ASIP: variants seen among roughly 807,000 people sequenced by gnomAD.
The protein encoded by ASIP is agouti signaling protein.
A neutral mutation model predicts 10.3 loss-of-function variants in ASIP; 11 were observed. That is an observed-to-expected ratio of 1.07 (90% CI 0.68 to 1.78). The LOEUF is 1.78. ASIP is among the 40% of genes most tolerant of loss of function. The probability of loss-of-function intolerance (pLI) is 0.00; values close to 1 mark genes in which losing one functional copy is unlikely to be tolerated. For missense variants in ASIP, 180 were observed against 169.2 expected (o/e 1.06, Z -0.35); for synonymous variants, 70 against 70.8 (o/e 0.99, Z 0.06).
At chr20:34,263,793 C>T (rs1379371102) in intron 3 of ASIP, among the ~76,000 whole-genome samples, 1 of 151,794 alleles carries the variant, frequency 6.6e-6, no homozygotes, top group East Asian at 2.0e-4. Flanking sequence ...CTCAGCCTCC[C>T]GAGTAGCTGG....
chr20:34,196,214 G>C (rs969179466), intron 1 of ASIP, among the ~76,000 whole-genome samples: 16 of 124,942 alleles, frequency 1.3e-4, no homozygotes, highest in South Asian at 2.4e-4. Flanking sequence ...GAATCCCGCT[G>C]TGTCGCCCAG....
At chr20:34,262,584 C>G (rs1286153886) in intron 2 of ASIP, among the ~76,000 whole-genome samples, 1 of 152,144 alleles carries the variant, frequency 6.6e-6, no homozygotes, top group African/African-American at 2.4e-5. Flanking sequence ...CAGGCAGATC[C>G]CAGTGCCTGC....
intron 1 of ASIP, among the ~76,000 whole-genome samples, chr20:34,212,377 CATT>C (rs1343566389): frequency 6.6e-6 from 1 of 152,292 alleles, no homozygotes; most frequent in East Asian, 1.9e-4. Context: ...TGCACACACA[CATT>C]TTTTACACAT....
chr20:34,267,843 TAA>T (rs3216535), intron 3 of ASIP, among the ~76,000 whole-genome samples: 6 of 147,712 alleles, frequency 4.1e-5, no homozygotes, highest in African/African-American at 1.5e-4. Flanking sequence ...TAACCATATT[TAA>T]AAAAAAAAAA....
chr20:34,198,330 T>C (rs1055727520), intron 1 of ASIP, among the ~76,000 whole-genome samples: 4 of 152,034 alleles, frequency 2.6e-5, no homozygotes, highest in African/African-American at 9.7e-5. Context: ...CCTCAGGTGA[T>C]CTGCCGACAT....
intron 1 of ASIP, chr20:34,215,941 G>A: frequency 1.3e-6 from 1 of 784,610 alleles, no homozygotes; most frequent in Non-Finnish European, 2.3e-6. Flanking sequence ...CTTGCCCTCT[G>A]ATCCCACAGA....
upstream of ASIP, among the ~76,000 whole-genome samples, chr20:34,238,396 T>G (rs2035238998): frequency 6.6e-6 from 1 of 152,156 alleles, no homozygotes; most frequent in Non-Finnish European, 1.5e-5. Flanking sequence ...TATCTTCAAG[T>G]TCATTGAGTC....
chr20:34,251,339 C>T (rs919514485), intron 1 of ASIP, among the ~76,000 whole-genome samples: 6 of 151,310 alleles, frequency 4.0e-5, no homozygotes, highest in South Asian at 2.1e-4. Context: ...GGCGTGATGT[C>T]GGCTCACTGC....
At chr20:34,213,575 T>A in intron 1 of ASIP, 1 of 1,549,560 alleles carries the variant, frequency 6.5e-7, no homozygotes. Context: ...GGCATGAACA[T>A]CTGTTGTAAA....
rs1360657349 is a variant in ASIP, at chr20:34,261,068, G to A, written c.160+534G>A. On this transcript the variant is annotated intron_variant, in intron 2 of 3. Transcript: ENST00000374954. ...ATATTTCACAGTTGAGGAACTTGAG[G>A]CTTAGGAGAATTAAGTAACTAGCAC... is the stretch of plus-strand genomic sequence containing the variant. Among the ~76,000 whole-genome samples the A allele has an allele frequency of 2.6e-5, 4 of 152,208 alleles. 1 individual carries two copies. The East Asian group carries it at 7.7e-4, about 29-fold the overall frequency.
intron 1 of ASIP, among the ~76,000 whole-genome samples, chr20:34,210,416 C>T (rs1601572853): frequency 6.6e-6 from 1 of 152,230 alleles, no homozygotes; most frequent in Admixed American, 6.5e-5. Flanking sequence ...CAGTTGCAGC[C>T]TCACAGAGAG....
chr20:34,199,142 C>A (rs73092584), intron 1 of ASIP, among the ~76,000 whole-genome samples: 3 of 148,716 alleles, frequency 2.0e-5, no homozygotes, highest in Non-Finnish European at 4.4e-5. Context: ...ATGAATACCA[C>A]AATTTGTTTA....
At chr20:34,214,688 C>G (rs1211758893) in intron 1 of ASIP, 1 of 1,085,408 alleles carries the variant, frequency 9.2e-7, no homozygotes, top group African/African-American at 1.5e-5. Context: ...TCTTGACCCT[C>G]ATTTTCAAAG....
chr20:34,257,586 T>C (rs1265428072), intron 1 of ASIP, among the ~76,000 whole-genome samples: 3 of 152,188 alleles, frequency 2.0e-5, no homozygotes, highest in Non-Finnish European at 2.9e-5. Flanking sequence ...AGTTTACAAA[T>C]ATTTCATATT....
chr20:34,228,045 A>G (rs1011967837), intron 1 of ASIP, among the ~76,000 whole-genome samples: 1 of 152,120 alleles, frequency 6.6e-6, no homozygotes, highest in African/African-American at 2.4e-5. Context: ...CAATAAAATG[A>G]ACTTCAATTC....
At position 34,222,608 on chromosome 20, in the gene ASIP, A is replaced by G. The variant is rs114791966; in HGVS notation, c.-11+27848A>G. ...GGAATCTTTAACAAGCTCTAAGGTA[A>G]TGGTAATGCAAAAGTTACTCCCTCT... On this transcript the variant is annotated intron_variant, in intron 1 of 3. Coordinates refer to the ASIP transcript ENST00000568305. Among the ~76,000 whole-genome samples the G allele has an allele frequency of 8.4e-3, 1,276 of 151,910 alleles. 20 individuals carry two copies. The highest frequency in any genetic ancestry group is 0.029 in the African/African-American group (1,188 of 41,230).
chr20:34,207,497 A>T (rs1215628771), intron 1 of ASIP, among the ~76,000 whole-genome samples: 2 of 151,808 alleles, frequency 1.3e-5, no homozygotes, highest in Non-Finnish European at 2.9e-5. Flanking sequence ...CACTTTATGG[A>T]TTGTTTCCTT....
chr20:34,264,315 G>C (rs2035748014), intron 3 of ASIP, among the ~76,000 whole-genome samples: 1 of 152,142 alleles, frequency 6.6e-6, no homozygotes, highest in Non-Finnish European at 1.5e-5. Context: ...TGTTGCCATT[G>C]CGGCATGCTC....
At chr20:34,200,965 TTTCTTTCCTTCCTTCC>T (rs1448400793) in intron 1 of ASIP, among the ~76,000 whole-genome samples, 2 of 87,710 alleles carry the variant, frequency 2.3e-5, no homozygotes, top group Non-Finnish European at 3.8e-5. Flanking sequence ...TCTTTCTTTC[TTTCTTTCCTTCCTTCC>T]TTCCTTCCTT....
Sources: allele counts gnomAD v4.1 joint callset (sites outside exome capture counted in the v4.1 genomes callset), GRCh38; gene constraint gnomAD v4.1.1; transcripts MANE v1.5; gene names NCBI Gene and HGNC (gene_info 2026-07-23, HGNC 2026-07-21).